Variants in SLC25A26 observed in about 807,000 individuals in gnomAD.
SLC25A26 encodes mitochondrial S-adenosylmethionine carrier protein.
A neutral mutation model predicts 37.8 loss-of-function variants in SLC25A26; 36 were observed. That is an observed-to-expected ratio of 0.95 (90% CI 0.73 to 1.26). The LOEUF (loss-of-function observed/expected upper bound fraction) is 1.26, where lower values mean the gene tolerates loss of function less well. Among genes scored for constraint, SLC25A26 ranks in the 50% most tolerant of loss-of-function variants. The pLI, the probability that SLC25A26 is intolerant of heterozygous loss-of-function variation, is 0.00. For missense variants in SLC25A26, 390 were observed against 331.1 expected, an observed-to-expected ratio of 1.18 and a Z score of -1.38; for synonymous variants, 129 against 122.5, an observed-to-expected ratio of 1.05 and a Z score of -0.35.
At chr3:66,289,196 T>G (rs142304982) in intron 5 of SLC25A26, among the ~76,000 whole-genome samples, 26,538 of 152,186 alleles carry the variant, frequency 0.17, 2,797 homozygotes, top group Non-Finnish European at 0.25. Context: ...CTTGTAAATT[T>G]AAGTTCCTTG....
intron 3 of SLC25A26, among the ~76,000 whole-genome samples, chr3:66,247,085 T>C (rs532778270): frequency 2.6e-5 from 4 of 151,946 alleles, no homozygotes; most frequent in South Asian, 2.1e-4. Flanking sequence ...AGGATGGTCT[T>C]GATCTCCTGA....
At chr3:66,238,777 T>G (rs1489660140) in intron 2 of SLC25A26, among the ~76,000 whole-genome samples, 2 of 151,730 alleles carry the variant, frequency 1.3e-5, no homozygotes, top group Non-Finnish European at 2.9e-5. Flanking sequence ...CATCATAAGG[T>G]CTTCATGTTG....
At chr3:66,174,464 T>G (rs2070545133) in intron 1 of SLC25A26, among the ~76,000 whole-genome samples, 1 of 152,132 alleles carries the variant, frequency 6.6e-6, no homozygotes, top group African/African-American at 2.4e-5. Flanking sequence ...AAGGCCAAAA[T>G]GAAATGATGT....
chr3:66,232,061 G>A (rs1236867786), intron 1 of SLC25A26, among the ~76,000 whole-genome samples: 1 of 152,172 alleles, frequency 6.6e-6, no homozygotes, highest in Non-Finnish European at 1.5e-5. Flanking sequence ...AAATGCTGTA[G>A]TAGACATTCT....
chr3:66,267,248 A>G (rs2073790212), intron 5 of SLC25A26, among the ~76,000 whole-genome samples: 2 of 152,216 alleles, frequency 1.3e-5, no homozygotes, highest in Admixed American at 1.3e-4. Flanking sequence ...AGTGGCAGTT[A>G]GAAGTAGTTA....
At chr3:66,318,407 C>A (rs1054515030) in intron 5 of SLC25A26, among the ~76,000 whole-genome samples, 5 of 152,120 alleles carry the variant, frequency 3.3e-5, no homozygotes, top group African/African-American at 1.2e-4. Flanking sequence ...CCTGCCTTGA[C>A]CAGGGGAGGG....
intron 5 of SLC25A26, among the ~76,000 whole-genome samples, chr3:66,280,732 A>AT (rs901203603): frequency 3.3e-5 from 5 of 151,628 alleles, no homozygotes; most frequent in South Asian, 2.1e-4. Flanking sequence ...TAAAACGTGT[A>AT]TTTTTTTTCC....
At chr3:66,171,272 C>G (rs2070495170) in intron 1 of SLC25A26, among the ~76,000 whole-genome samples, 1 of 152,114 alleles carries the variant, frequency 6.6e-6, no homozygotes, top group South Asian at 2.1e-4. Flanking sequence ...AAAAATTTCT[C>G]TTAGTCCTTG....
chr3:66,308,566 C>T (rs1482113967), intron 5 of SLC25A26, among the ~76,000 whole-genome samples: 1 of 152,208 alleles, frequency 6.6e-6, no homozygotes, highest in East Asian at 1.9e-4. Context: ...GAGAGGGCAG[C>T]CTTCTGCTGT....
intron 5 of SLC25A26, among the ~76,000 whole-genome samples, chr3:66,286,104 C>T (rs940973712): frequency 2.0e-5 from 3 of 152,174 alleles, no homozygotes; most frequent in Non-Finnish European, 2.9e-5. Context: ...TTGGAATGCT[C>T]ATCCTTTGCC....
chr3:66,151,002 G>A (rs1404773878), intron 1 of SLC25A26, among the ~76,000 whole-genome samples: 2 of 151,930 alleles, frequency 1.3e-5, no homozygotes, highest in Non-Finnish European at 2.9e-5. Flanking sequence ...ACATAGTCAC[G>A]TTCTAATGCC....
Position 66,159,254 on chromosome 3 carries a change from T to A in SLC25A26, c.-354+25270T>A, listed in dbSNP as rs150226456. Among the ~76,000 whole-genome samples, 813 of 152,300 alleles carry A rather than the reference T, an allele frequency of 5.3e-3. 9 individuals carry two copies. The highest frequency in any genetic ancestry group is 0.019 in the African/African-American group (780 of 41,562). On this transcript the variant is annotated intron_variant, in intron 1 of 10. Coordinates refer to the SLC25A26 transcript ENST00000676754. Reference sequence around the variant, plus strand: ...GGCCCTGTGCAAACCAGTGTTTTAATGTTATTTGTTCCTTCTAGGGAATGC... The same window carrying A: ...GGCCCTGTGCAAACCAGTGTTTTAAAGTTATTTGTTCCTTCTAGGGAATGC...
Position 66,263,379 on chromosome 3 carries a change from G to GGTAAGTCACTTACTT in SLC25A26, c.453+1_453+15dup, listed in dbSNP as rs755699503. On this transcript the variant is annotated inframe_insertion and splice_region_variant. Coordinates refer to ENST00000354883, the MANE Select transcript of SLC25A26 (RefSeq NM_001379210.1). ...GCTATAAAAGCACAGTTTTAAGAGA[G>GGTAAGTCACTTACTT]GTAAGTCACTTACTTTCCAATATTG... 6.2e-7 allele frequency: 1 copy of GGTAAGTCACTTACTT among 1,602,440 alleles called. No individual in the cohort carries two copies.
intron 5 of SLC25A26, among the ~76,000 whole-genome samples, chr3:66,264,204 G>A (rs2107300603): frequency 6.6e-6 from 1 of 152,116 alleles, no homozygotes. Context: ...CTTGGGAGGT[G>A]GAGGTTGCAG....
chr3:66,147,264 A>T (rs1187582622), intron 1 of SLC25A26, among the ~76,000 whole-genome samples: 1 of 151,056 alleles, frequency 6.6e-6, no homozygotes, highest in Admixed American at 6.6e-5. Flanking sequence ...CCTGGGTTCA[A>T]GCGATCCTCC....
intron 5 of SLC25A26, among the ~76,000 whole-genome samples, chr3:66,310,543 T>C (rs1243866764): frequency 2.6e-5 from 4 of 152,232 alleles, no homozygotes; most frequent in Non-Finnish European, 5.9e-5. Flanking sequence ...GTCATGATGC[T>C]AGCTGTTTAT....
At chr3:66,242,357 G>T (rs1297346357) in intron 2 of SLC25A26, among the ~76,000 whole-genome samples, 3 of 152,188 alleles carry the variant, frequency 2.0e-5, no homozygotes, top group African/African-American at 7.2e-5. Context: ...ACCTGAACTG[G>T]TCATTATTCA....
chr3:66,226,783 G>C (rs936975878), intron 1 of SLC25A26, among the ~76,000 whole-genome samples: 39 of 114,022 alleles, frequency 3.4e-4, no homozygotes, highest in African/African-American at 9.5e-4. Flanking sequence ...ACAGTTTTTA[G>C]AAAATTTTTT....
Position 66,226,274 on chromosome 3 carries a change from G to A in SLC25A26, c.33+5147G>A, listed in dbSNP as rs140973899. Among the ~76,000 whole-genome samples, 564 of 152,242 alleles carry A rather than the reference G, an allele frequency of 3.7e-3. 3 individuals are homozygous for A. Among genetic ancestry groups the A allele is most frequent in the East Asian group, 0.017 (88 of 5,174 alleles). ...GTCTTACATGGCTGCAGATGAGAGC[G>A]TATGCAGGAGAACTCCCCTTTATGA... is the stretch of plus-strand genomic sequence containing the variant. On this transcript the variant is annotated intron_variant, in intron 1 of 9. Coordinates refer to ENST00000354883, the MANE Select transcript of SLC25A26 (RefSeq NM_001379210.1).
Sources: allele counts gnomAD v4.1 joint callset (sites outside exome capture counted in the v4.1 genomes callset), GRCh38; gene constraint gnomAD v4.1.1; transcripts MANE v1.5; gene names NCBI Gene and HGNC (gene_info 2026-07-23, HGNC 2026-07-21).